Variants in CTNNA3 observed in about 807,000 individuals in gnomAD.
The protein encoded by CTNNA3 is catenin alpha-3.
Under a neutral mutation model 95.7 loss-of-function variants are expected in CTNNA3, and 76 were observed. The observed-to-expected ratio is 0.79, with a 90% CI of 0.66 to 0.96. The LOEUF (loss-of-function observed/expected upper bound fraction) is 0.96. Among genes scored for constraint, CTNNA3 ranks in the 40% least tolerant of loss-of-function variants. The pLI is 0.00. For missense variants in CTNNA3, 1,191 were observed against 1,089.8 expected (o/e 1.09, Z -1.31); for synonymous variants, 431 against 374.4 (o/e 1.15, Z -1.74).
intron 7 of CTNNA3, among the ~76,000 whole-genome samples, chr10:66,828,986 C>G (rs1422610625): frequency 6.6e-6 from 1 of 152,220 alleles, no homozygotes; most frequent in Non-Finnish European, 1.5e-5. Context: ...ACATGACAGC[C>G]AGGTAGCTTG....
chr10:66,144,494 T>A (rs1029345910), intron 13 of CTNNA3, among the ~76,000 whole-genome samples: 1 of 146,028 alleles, frequency 6.8e-6, no homozygotes, highest in Non-Finnish European at 1.5e-5. Context: ...TATTTATTTA[T>A]TTTTTTTTTT....
chr10:65,933,227 C>A (rs2077282394), intron 17 of CTNNA3, among the ~76,000 whole-genome samples: 1 of 152,136 alleles, frequency 6.6e-6, no homozygotes, highest in Non-Finnish European at 1.5e-5. Context: ...GGTCCAGACA[C>A]ATTGGTGCAT....
At chr10:67,626,289 C>T (rs1207658430) in intron 2 of CTNNA3, among the ~76,000 whole-genome samples, 1 of 152,060 alleles carries the variant, frequency 6.6e-6, no homozygotes, top group African/African-American at 2.4e-5. Context: ...CTTCCATGGA[C>T]AGTTATGTTC....
At chr10:67,616,888 T>A (rs985898114) in intron 2 of CTNNA3, among the ~76,000 whole-genome samples, 1 of 151,768 alleles carries the variant, frequency 6.6e-6, no homozygotes, top group African/African-American at 2.4e-5. Flanking sequence ...TGGGGAAAAA[T>A]TTTTTTTTAA....
chr10:67,244,233 T>C (rs1018343624), intron 5 of CTNNA3, among the ~76,000 whole-genome samples: 7 of 152,200 alleles, frequency 4.6e-5, no homozygotes, highest in African/African-American at 1.7e-4. Flanking sequence ...AAACCAGTGA[T>C]GATGGTTTTT....
intron 11 of CTNNA3, among the ~76,000 whole-genome samples, chr10:66,439,789 T>C (rs2093363569): frequency 6.6e-6 from 1 of 152,136 alleles, no homozygotes; most frequent in African/African-American, 2.4e-5. Flanking sequence ...CACTAGGTTA[T>C]GAAGGACTAT....
At chr10:67,438,168 A>G (rs1195269660) in intron 5 of CTNNA3, among the ~76,000 whole-genome samples, 21 of 152,208 alleles carry the variant, frequency 1.4e-4, no homozygotes, top group Non-Finnish European at 7.3e-5. Context: ...TGGCATAAGC[A>G]GTACTTGGCA....
chr10:66,095,077 G>A (rs766548046), intron 14 of CTNNA3, among the ~76,000 whole-genome samples: 47 of 152,066 alleles, frequency 3.1e-4, no homozygotes, highest in Admixed American at 9.2e-4. Flanking sequence ...TTCAAGGAGA[G>A]GAAATTTGTA....
At chr10:66,719,653 C>T (rs747708793) in intron 9 of CTNNA3, among the ~76,000 whole-genome samples, 1 of 152,124 alleles carries the variant, frequency 6.6e-6, no homozygotes, top group Non-Finnish European at 1.5e-5. Context: ...AATATACCTG[C>T]AGCAGCATGC....
chr10:67,125,462 C>T (rs6480252), intron 7 of CTNNA3, among the ~76,000 whole-genome samples: 34,463 of 151,952 alleles, frequency 0.23, 4,949 homozygotes, highest in African/African-American at 0.41. Context: ...TATTTTAGTG[C>T]CCCTAAAGCC....
intron 10 of CTNNA3, among the ~76,000 whole-genome samples, chr10:66,524,680 G>C (rs1392616134): frequency 6.6e-6 from 1 of 152,150 alleles, no homozygotes; most frequent in Admixed American, 6.6e-5. Context: ...CAATGGAACT[G>C]AGGCTACAAG....
intron 10 of CTNNA3, among the ~76,000 whole-genome samples, chr10:66,535,555 A>G (rs1431569383): frequency 6.6e-6 from 1 of 152,200 alleles, no homozygotes; most frequent in East Asian, 1.9e-4. Context: ...GGCAGGTTCT[A>G]TTTGAAGAGC....
At chr10:66,366,191 T>C (rs769332173) in intron 12 of CTNNA3, among the ~76,000 whole-genome samples, 2 of 152,152 alleles carry the variant, frequency 1.3e-5, no homozygotes, top group Non-Finnish European at 2.9e-5. Context: ...GCTCACACTG[T>C]TGCAGGAAAG....
At chr10:66,365,590 G>T (rs1018521781) in intron 12 of CTNNA3, among the ~76,000 whole-genome samples, 1 of 152,106 alleles carries the variant, frequency 6.6e-6, no homozygotes, top group Admixed American at 6.6e-5. Flanking sequence ...AGCATATCCA[G>T]AGTATAAGCC....
intron 12 of CTNNA3, among the ~76,000 whole-genome samples, chr10:66,303,059 T>C (rs2091885703): frequency 6.6e-6 from 1 of 152,194 alleles, no homozygotes; most frequent in South Asian, 2.1e-4. Context: ...ACACCTTTAA[T>C]TTGACATAGC....
chr10:67,562,469 A>C (rs4746689), intron 3 of CTNNA3, among the ~76,000 whole-genome samples: 75,859 of 151,508 alleles, frequency 0.5, 22,494 homozygotes, highest in East Asian at 0.82. Context: ...CAATAAATTA[A>C]GTATTGATGG....
In CTNNA3 at chr10:66,797,961, T is replaced by A. The variant is rs185405757; in HGVS notation, c.1048-22437A>T. ...AAGCCCTTGTAAATTATTATAAATT[T>A]CTCCATATATGCATCCAGATTGGCC... On this transcript the variant is annotated intron_variant, in intron 7 of 17. Coordinates refer to ENST00000433211, the MANE Select transcript of CTNNA3 (RefSeq NM_013266.4). Among the ~76,000 whole-genome samples, 8 of 152,030 alleles carry A rather than the reference T, an allele frequency of 5.3e-5. No individual in the cohort carries two copies. In the East Asian group the frequency reaches 7.7e-4, roughly 15 times the overall value.
chr10:67,643,195 A>G (rs1028269425), intron 2 of CTNNA3, among the ~76,000 whole-genome samples: 2 of 152,210 alleles, frequency 1.3e-5, no homozygotes, highest in Non-Finnish European at 2.9e-5. Context: ...GTTGGAAGTC[A>G]TTATCCTCAG....
chr10:66,405,688 A>G (rs1352020430), intron 11 of CTNNA3, among the ~76,000 whole-genome samples: 1 of 152,132 alleles, frequency 6.6e-6, no homozygotes, highest in Non-Finnish European at 1.5e-5. Context: ...CTTTTGCTGC[A>G]TATCATATTT....
Sources: gnomAD v4.1 joint callset for allele counts (sites outside exome capture counted in the v4.1 genomes callset) on GRCh38, gnomAD v4.1.1 for gene constraint, MANE v1.5 for transcripts, NCBI Gene and HGNC (gene_info 2026-07-23, HGNC 2026-07-21) for gene names.